The following SRRM3 variants were observed in gnomAD, a reference collection of about 807,000 sequenced individuals.
SRRM3 encodes the protein serine/arginine repetitive matrix 3.
A neutral mutation model predicts 66.2 loss-of-function variants in SRRM3; 27 were observed. The observed-to-expected ratio is 0.41, with a 90% CI of 0.30 to 0.56. The LOEUF (loss-of-function observed/expected upper bound fraction) is 0.56, where lower values mean the gene tolerates loss of function less well. Among genes scored for constraint, SRRM3 ranks in the 20% least tolerant of loss-of-function variants. The pLI is 0.32. For synonymous variants in SRRM3, 391 were observed against 414.9 expected (o/e 0.94, Z 0.70); for missense variants, 918 against 991.9 (o/e 0.93, Z 1.00).
At chr7:76,248,477 G>A (rs1177831673) in intron 3 of SRRM3, among the ~76,000 whole-genome samples, 188 bp downstream of exon 3, 1 of 152,058 alleles carries the variant, frequency 6.6e-6, no homozygotes, top group African/African-American at 2.4e-5. Flanking sequence ...CCTGGCCCAC[G>A]GACATCTGGA....
intron 3 of SRRM3, among the ~76,000 whole-genome samples, chr7:76,252,888 G>A (rs561444034): frequency 6.6e-6 from 1 of 152,226 alleles, no homozygotes; most frequent in Admixed American, 6.5e-5. Flanking sequence ...AACAGGCCAG[G>A]CGCGGTGGCT....
intron 1 of SRRM3, among the ~76,000 whole-genome samples, chr7:76,217,773 C>T (rs1554602753): frequency 6.6e-6 from 1 of 152,132 alleles, no homozygotes; most frequent in Admixed American, 6.6e-5. Flanking sequence ...GCCCTTGTTC[C>T]AGCAGAATGT....
chr7:76,238,685 G>A (rs1220970281), intron 2 of SRRM3, among the ~76,000 whole-genome samples: 2 of 152,162 alleles, frequency 1.3e-5, no homozygotes, highest in Non-Finnish European at 2.9e-5. Flanking sequence ...GTTTGAGATG[G>A]ATTCTCGCTG....
At chr7:76,230,756 T>A (rs1554604179) in intron 1 of SRRM3, among the ~76,000 whole-genome samples, 1 of 150,904 alleles carries the variant, frequency 6.6e-6, no homozygotes, top group Non-Finnish European at 1.5e-5. Flanking sequence ...TACTTACTTT[T>A]TTTTTTTTTT....
intron 1 of SRRM3, among the ~76,000 whole-genome samples, chr7:76,227,303 T>C (rs1375775174): frequency 6.6e-6 from 1 of 152,232 alleles, no homozygotes; most frequent in African/African-American, 2.4e-5. Flanking sequence ...GTTCAGATTA[T>C]AGCTCTAGAC....
intron 1 of SRRM3, among the ~76,000 whole-genome samples, chr7:76,204,262 C>T (rs1563602171): frequency 6.6e-6 from 1 of 152,158 alleles, no homozygotes; most frequent in African/African-American, 2.4e-5. Context: ...AATCATAGCT[C>T]TTCCTGTCTC....
At position 76,281,631 on chromosome 7, in the gene SRRM3, C is replaced by A; in HGVS notation, c.1199C>A (p.Ala400Glu). 1 of 971,632 alleles carries A rather than the reference C, an allele frequency of 1.0e-6. No homozygotes were observed. Among genetic ancestry groups the A allele is most frequent in the Non-Finnish European group, 1.2e-6 (1 of 820,178 alleles). The allele number at this position is 971,632 out of a possible 1,614,324, so 60.2% of individuals were successfully genotyped here. A position where few individuals can be genotyped will look rare whatever the true frequency, so the allele number is the denominator to read the frequency against. The change falls in exon 12 of 15, where the codon GCG becomes GAG. Residue 400 changes from alanine to glutamate, a missense_variant. By Grantham distance (107) the Ala-to-Glu change is moderately radical (BLOSUM62 -1). Transcript: ENST00000611745. ...RRRRRRSRSS[A>E]SAPRRRGRRR... Reference sequence around the variant, plus strand: ...AGGCGGCGGCGCTCGCGGTCCTCGGCGTCCGCGCCCCGCCGCAGGGGTCGC... The same window carrying A: ...AGGCGGCGGCGCTCGCGGTCCTCGGAGTCCGCGCCCCGCCGCAGGGGTCGC...
chr7:76,251,322 C>G (rs537993741), intron 3 of SRRM3, among the ~76,000 whole-genome samples: 1 of 151,940 alleles, frequency 6.6e-6, no homozygotes, highest in East Asian at 1.9e-4. Context: ...AACTAGTTAG[C>G]AAACATGAAT....
chr7:76,243,071 G>A (rs1475824276), intron 2 of SRRM3, among the ~76,000 whole-genome samples: 1 of 152,104 alleles, frequency 6.6e-6, no homozygotes, highest in African/African-American at 2.4e-5. Flanking sequence ...CCTCCCACCA[G>A]ACCCCACCTC....
chr7:76,267,390 C>G lies in SRRM3; in HGVS notation c.963C>G (p.Ser321Arg), dbSNP rs1802094678. 6 of 1,412,596 alleles carry G rather than the reference C, an allele frequency of 4.2e-6. No individual in the cohort carries two copies. The highest frequency in any genetic ancestry group is 5.5e-6 in the Non-Finnish European group (6 of 1,089,514). The allele number at this position is 1,412,596 out of a possible 1,614,324, so 87.5% of individuals were successfully genotyped here. ...GGAACGGCGGCAGCGGGCAGCGGAG[C>G]GGAGCGCACGGGGGCCGCCCCGGCT... ...PQRNGGSGQR[S>R]GAHGGRPGSA... The change falls in exon 11 of 15, where the codon AGC becomes AGG. Residue 321 changes from serine to arginine, a missense_variant. By Grantham distance (110) the Ser-to-Arg change is moderately radical. Transcript: ENST00000611745.
chr7:76,202,843 T>G (rs1563601501), intron 1 of SRRM3, among the ~76,000 whole-genome samples: 1 of 152,122 alleles, frequency 6.6e-6, no homozygotes, highest in Non-Finnish European at 1.5e-5. Flanking sequence ...TGTTGAAGCC[T>G]CCTGCAGTTC....
intron 3 of SRRM3, among the ~76,000 whole-genome samples, chr7:76,257,068 T>C (rs1367522070): frequency 6.6e-6 from 1 of 152,184 alleles, no homozygotes; most frequent in African/African-American, 2.4e-5. Context: ...ACCTGTATTT[T>C]GTGCTGACCT....
intron 1 of SRRM3, among the ~76,000 whole-genome samples, chr7:76,210,324 G>A (rs1209613469): frequency 1.3e-5 from 2 of 152,176 alleles, no homozygotes; most frequent in Non-Finnish European, 2.9e-5. Context: ...AACATTCAGT[G>A]GGTCCTTCCT....
intron 3 of SRRM3, among the ~76,000 whole-genome samples, chr7:76,252,612 C>T (rs1252925214): frequency 6.6e-6 from 1 of 152,006 alleles, no homozygotes; most frequent in Non-Finnish European, 1.5e-5. Context: ...AGCCACCGGG[C>T]CTGGCCTCAT....
At chr7:76,270,839 G>A (rs530298585) in intron 11 of SRRM3, among the ~76,000 whole-genome samples, 164 of 151,276 alleles carry the variant, frequency 1.1e-3, no homozygotes, top group Non-Finnish European at 1.3e-3. Context: ...ATAGCCAGGC[G>A]TGGTGGGCAC....
chr7:76,260,837 C>T (rs1554608576), intron 5 of SRRM3, 37 bp from the exon 6 acceptor site: 1 of 1,552,858 alleles, frequency 6.4e-7, no homozygotes, highest in Admixed American at 2.0e-5. Context: ...TAACCCCATC[C>T]ATCCGTCTGT....
intron 1 of SRRM3, among the ~76,000 whole-genome samples, chr7:76,209,210 T>C (rs1800372442): frequency 6.6e-6 from 1 of 152,200 alleles, no homozygotes; most frequent in African/African-American, 2.4e-5. Context: ...TCCTGTTTTC[T>C]GGGCACAGCA....
intron 1 of SRRM3, among the ~76,000 whole-genome samples, chr7:76,228,956 T>C (rs2116981758): frequency 6.6e-6 from 1 of 150,670 alleles, no homozygotes; most frequent in East Asian, 2.0e-4. Context: ...TGGAGTGCAG[T>C]GGCATGATCT....
At position 76,211,816 on chromosome 7, in the gene SRRM3, C is replaced by CTATTATTATTAT. The variant is rs60646233; in HGVS notation, c.-40+9779_-40+9790dup. ...AATTTTATTATTATTACTATTACTA[C>CTATTATTATTAT]TATTATTATTATTATTATTATTATT... On this transcript the variant is annotated intron_variant, in intron 1 of 14. Coordinates refer to ENST00000611745, the MANE Select transcript of SRRM3 (RefSeq NM_001110199.3). Among the ~76,000 whole-genome samples the CTATTATTATTAT allele has an allele frequency of 3.0e-4, 42 of 140,648 alleles. 1 individual carries two copies. Among genetic ancestry groups the CTATTATTATTAT allele is most frequent in the African/African-American group, 3.1e-4 (12 of 38,274 alleles). 92.3% of individuals were successfully genotyped at this position (140,648 alleles called of 152,430 possible).
Sources: gnomAD v4.1 joint callset for allele counts (sites outside exome capture counted in the v4.1 genomes callset) on GRCh38, gnomAD v4.1.1 for gene constraint, MANE v1.5 for transcripts, NCBI Gene and HGNC (gene_info 2026-07-23, HGNC 2026-07-21) for gene names.